KYNU: variants seen among roughly 807,000 people sequenced by gnomAD.
KYNU encodes the protein kynureninase.
A neutral mutation model predicts 59.2 loss-of-function variants in KYNU; 54 were observed. That is an observed-to-expected ratio of 0.91 (90% confidence interval 0.73 to 1.14). The LOEUF is 1.14. Among genes scored for constraint, KYNU ranks in the 50% most tolerant of loss-of-function variants. The pLI is 0.00. For synonymous variants in KYNU, 177 were observed against 192.0 expected (o/e 0.92, Z 0.65); for missense variants, 567 against 554.4 (o/e 1.02, Z -0.23).
chr2:142,907,731 C>A (rs557368669), intron 2 of KYNU, among the ~76,000 whole-genome samples: 162 of 152,306 alleles, frequency 1.1e-3, no homozygotes, highest in African/African-American at 3.7e-3. Flanking sequence ...ATTTCTTTAC[C>A]TCCTTCTTTT....
At chr2:142,998,525 A>G (rs899400066) in intron 10 of KYNU, among the ~76,000 whole-genome samples, 10 of 152,278 alleles carry the variant, frequency 6.6e-5, no homozygotes, top group African/African-American at 2.2e-4. Flanking sequence ...AAGGTTTTAA[A>G]CAGCGCTTAT....
At chr2:142,921,063 G>C (rs1682864642) in intron 3 of KYNU, among the ~76,000 whole-genome samples, 1 of 152,272 alleles carries the variant, frequency 6.6e-6, no homozygotes, top group East Asian at 1.9e-4. Context: ...ACAACAGACA[G>C]GTTAACAGGA....
intron 2 of KYNU, among the ~76,000 whole-genome samples, chr2:142,890,960 A>C (rs1373545399): frequency 2.0e-5 from 3 of 152,212 alleles, no homozygotes; most frequent in Admixed American, 2.0e-4. Flanking sequence ...AAATAAATAT[A>C]AGTGGTAATG....
intron 11 of KYNU, among the ~76,000 whole-genome samples, chr2:143,031,489 C>G (rs1686740647): frequency 6.6e-6 from 1 of 152,020 alleles, no homozygotes; most frequent in African/African-American, 2.4e-5. Flanking sequence ...CTTTGGGAGG[C>G]AAGGCAGATG....
intron 2 of KYNU, among the ~76,000 whole-genome samples, chr2:142,905,263 A>G (rs1349610759): frequency 1.3e-5 from 2 of 152,150 alleles, no homozygotes; most frequent in Non-Finnish European, 2.9e-5. Context: ...GAGCAAGGAG[A>G]AAAAGATGGG....
At chr2:142,983,845 T>C (rs1685119894) in intron 8 of KYNU, among the ~76,000 whole-genome samples, 1 of 152,116 alleles carries the variant, frequency 6.6e-6, no homozygotes, top group African/African-American at 2.4e-5. Flanking sequence ...ATTGTTTATA[T>C]ATGGCAAATC....
intron 3 of KYNU, among the ~76,000 whole-genome samples, chr2:142,919,694 G>T (rs1284708072): frequency 6.6e-6 from 1 of 152,188 alleles, no homozygotes; most frequent in Non-Finnish European, 1.5e-5. Flanking sequence ...AGCACTTTGG[G>T]AGGCAGAGGT....
intron 4 of KYNU, among the ~76,000 whole-genome samples, chr2:142,946,234 C>A (rs537780202): frequency 6.6e-6 from 1 of 151,900 alleles, no homozygotes; most frequent in African/African-American, 2.4e-5. Context: ...CAGGTACAAG[C>A]GACCATGCCT....
chr2:142,981,813 C>A (rs1372465556), intron 8 of KYNU, among the ~76,000 whole-genome samples: 1 of 152,012 alleles, frequency 6.6e-6, no homozygotes. Flanking sequence ...TTTCTTTATG[C>A]AAACCAATCC....
rs1240840110 is a variant in KYNU, at chr2:142,918,677, C to T, written c.238C>T (p.Pro80Ser). Reference protein sequence around the residue: ...YFLGNSLGLQPKMVKTYLEEE... With the variant: ...YFLGNSLGLQSKMVKTYLEEE... Reference sequence around the variant, plus strand: ...CTTGGGAAATTCTCTTGGCCTTCAACCAAAAATGGTTAAAACATATCTTGA... The same window carrying T: ...CTTGGGAAATTCTCTTGGCCTTCAATCAAAAATGGTTAAAACATATCTTGA... The change falls in exon 3 of 14, where the codon CCA (proline) becomes TCA (serine). Residue 80 changes from proline to serine, a missense_variant. Physicochemically the swap from Pro to Ser is moderately conservative, Grantham distance 74. Coordinates refer to ENST00000264170, the MANE Select transcript of KYNU (RefSeq NM_003937.3). 3 of 1,610,158 alleles carry T rather than the reference C, an allele frequency of 1.9e-6. No individual in the cohort carries two copies. Among genetic ancestry groups the T allele is most frequent in the East Asian group, 2.2e-5 (1 of 44,666 alleles).
chr2:142,917,170 G>A (rs942283536), intron 2 of KYNU, among the ~76,000 whole-genome samples: 1 of 151,886 alleles, frequency 6.6e-6, no homozygotes, highest in African/African-American at 2.4e-5. Flanking sequence ...GGGAAAAAAA[G>A]GTAAATACAA....
Position 143,047,533 on chromosome 2 carries a change from CTCTCTT to C in KYNU, c.*5373_*5378del, listed in dbSNP as rs948660594. ...TTCTTTCCTTGTTCTCTTTCTTTCT[CTCTCTT>C]TCTCTTTCTCTCTTTCTTTCTTTCT... On this transcript the variant is annotated 3_prime_UTR_variant, in exon 14 of 14. Coordinates refer to ENST00000264170, the MANE Select transcript of KYNU (RefSeq NM_003937.3). 9 of 151,504 alleles carry C rather than the reference CTCTCTT, an allele frequency of 5.9e-5. 1 individual carries two copies. The highest frequency in any genetic ancestry group is 1.9e-4 in the African/African-American group (8 of 41,290). The allele number at this position is 151,504 out of a possible 1,614,324, so 9.4% of individuals were successfully genotyped here.
At chr2:142,976,201 C>T (rs1191468041) in intron 8 of KYNU, among the ~76,000 whole-genome samples, 1 of 152,182 alleles carries the variant, frequency 6.6e-6, no homozygotes, top group Non-Finnish European at 1.5e-5. Flanking sequence ...TGACCGAAGC[C>T]ATGCTGCTGG....
chr2:142,981,034 TC>T (rs1368325665), intron 8 of KYNU, among the ~76,000 whole-genome samples: 3 of 152,162 alleles, frequency 2.0e-5, no homozygotes. Context: ...GTTTGTATCT[TC>T]CAGTTCTTTT....
chr2:142,997,672 T>C lies in KYNU; in HGVS notation c.902+11651T>C, dbSNP rs140057719. On this transcript the variant is annotated intron_variant, in intron 10 of 13. Transcript: ENST00000264170. ...TGTTCTTAAGAAAGATTGTGAACTA[T>C]TTTTATTATATTTTGATTTGGTGCC... 2.6e-3 allele frequency among the ~76,000 whole-genome samples: 390 copies of C among 152,276 alleles called. 2 individuals are homozygous for C. Among genetic ancestry groups the C allele is most frequent in the African/African-American group, 8.6e-3 (358 of 41,572 alleles).
rs1302471793 is a variant in KYNU, at chr2:142,959,053, T to C, written c.582+1338T>C. Among the ~76,000 whole-genome samples the C allele has an allele frequency of 2.0e-5, 3 of 152,126 alleles. No individual in the cohort carries two copies. In the East Asian group the frequency reaches 5.8e-4, roughly 29 times the overall value. Reference sequence around the variant, plus strand: ...TTAATATTGGGATGCCAATTTTTATTGATGCCCATTTTGTAAACAAATTCC... The same window carrying C: ...TTAATATTGGGATGCCAATTTTTATCGATGCCCATTTTGTAAACAAATTCC... On this transcript the variant is annotated intron_variant, in intron 7 of 13. Transcript: ENST00000264170.
At chr2:142,991,239 T>C (rs1685389975) in intron 10 of KYNU, among the ~76,000 whole-genome samples, 1 of 151,902 alleles carries the variant, frequency 6.6e-6, no homozygotes, top group Non-Finnish European at 1.5e-5. Context: ...CCAAAACTTA[T>C]CTATAATTTA....
chr2:143,022,366 A>G (rs1280998828), intron 10 of KYNU, among the ~76,000 whole-genome samples: 3 of 152,100 alleles, frequency 2.0e-5, no homozygotes, highest in East Asian at 3.9e-4. Flanking sequence ...TTTTTGCTCT[A>G]TGTGAACCCT....
chr2:142,938,878 T>G (rs1248210556), intron 4 of KYNU, among the ~76,000 whole-genome samples: 4 of 152,000 alleles, frequency 2.6e-5, no homozygotes, highest in Non-Finnish European at 5.9e-5. Context: ...GTTCCAACAC[T>G]GAGAGGCCAA....
Sources: gnomAD v4.1 joint callset for allele counts (sites outside exome capture counted in the v4.1 genomes callset) on GRCh38, gnomAD v4.1.1 for gene constraint, MANE v1.5 for transcripts, NCBI Gene and HGNC (gene_info 2026-07-23, HGNC 2026-07-21) for gene names.